ESRRG: variants seen among roughly 807,000 people sequenced by gnomAD.
ESRRG encodes estrogen-related receptor gamma.
In ESRRG, 13 loss-of-function variants were observed where a neutral mutation model predicts 44.0. The observed-to-expected ratio is 0.30, with a 90% CI of 0.19 to 0.47. ESRRG has a LOEUF of 0.47. Among genes scored for constraint, ESRRG ranks in the 20% least tolerant of loss-of-function variants. ESRRG has a pLI of 1.00. For synonymous variants in ESRRG, 215 were observed against 214.6 expected, an observed-to-expected ratio of 1.00 and a Z score of -0.02; for missense variants, 395 against 580.6, an observed-to-expected ratio of 0.68 and a Z score of 3.29.
intron 1 of ESRRG, among the ~76,000 whole-genome samples, chr1:217,064,166 CGTT>C (rs146072032): frequency 0.024 from 3,616 of 149,696 alleles, 124 homozygotes; most frequent in African/African-American, 0.077. Flanking sequence ...TATATATACA[CGTT>C]GTATAGATGT....
chr1:216,800,853 T>C (rs753746895), intron 2 of ESRRG, among the ~76,000 whole-genome samples: 9 of 152,174 alleles, frequency 5.9e-5, no homozygotes, highest in Non-Finnish European at 1.3e-4. Context: ...TAAAGAAACA[T>C]GCATTCCGAC....
intron 3 of ESRRG, among the ~76,000 whole-genome samples, chr1:216,598,697 T>C (rs1051974113): frequency 4.6e-5 from 7 of 152,104 alleles, no homozygotes; most frequent in African/African-American, 1.7e-4. Context: ...TGCTTTCTTC[T>C]TTAATGGCTA....
intron 1 of ESRRG, among the ~76,000 whole-genome samples, chr1:217,060,904 G>C (rs918145252): frequency 3.9e-5 from 6 of 152,038 alleles, no homozygotes; most frequent in Admixed American, 2.0e-4. Flanking sequence ...GAATCTTCTT[G>C]AGATTGTGGA....
At chr1:216,727,064 T>A (rs2087678438), upstream of ESRRG, among the ~76,000 whole-genome samples, 1 of 152,314 alleles carries the variant, frequency 6.6e-6, no homozygotes, top group South Asian at 2.1e-4. Flanking sequence ...ATCTTTCTTT[T>A]CTGAAAATTA....
rs58137897 is a variant in ESRRG, at chr1:216,903,428, AGTGTGTGTGT to A, written c.-14+36144_-14+36153del. On this transcript the variant is annotated intron_variant, in intron 2 of 7. Transcript: ENST00000359162. ...ATATATGTGTGGTTGTGTGTGTTCAAGTGTGTGTGTGTGTGTGTGTGTGTGTGTGTCGGGG... is the reference window on the plus strand; with the variant it reads ...ATATATGTGTGGTTGTGTGTGTTCAAGTGTGTGTGTGTGTGTGTGTCGGGG... Among the ~76,000 whole-genome samples the A allele has an allele frequency of 8.0e-4, 119 of 148,310 alleles. 1 individual carries two copies. Among genetic ancestry groups the A allele is most frequent in the Admixed American group, 6.3e-3 (94 of 14,874 alleles).
chr1:217,007,077 A>G (rs1395849901), intron 1 of ESRRG, among the ~76,000 whole-genome samples: 1 of 152,148 alleles, frequency 6.6e-6, no homozygotes, highest in Non-Finnish European at 1.5e-5. Flanking sequence ...TTAGATCTTT[A>G]AAAGGACTGT....
At chr1:216,721,488 G>C (rs1429977651) in intron 1 of ESRRG, among the ~76,000 whole-genome samples, 1 of 152,202 alleles carries the variant, frequency 6.6e-6, no homozygotes, top group Non-Finnish European at 1.5e-5. Context: ...ATTTTTTAAA[G>C]ATGACTTTTA....
In ESRRG at chr1:216,506,754, G is replaced by T; in HGVS notation, c.*185C>A. On this transcript the variant is annotated 3_prime_UTR_variant, in exon 7 of 7. Transcript: ENST00000408911. ...AGGAAAGAAGATGATGGAGAAAGTA[G>T]AAAGAAACTCATCAGGAACCTATGG... The T allele has an allele frequency of 3.0e-6, 2 of 665,328 alleles. No homozygotes were observed. Among genetic ancestry groups the T allele is most frequent in the Non-Finnish European group, 2.6e-6 (1 of 377,588 alleles). 41.2% of individuals were successfully genotyped at this position (665,328 alleles called of 1,614,324 possible).
chr1:217,125,778 A>G (rs908377112), intron 1 of ESRRG, among the ~76,000 whole-genome samples: 2 of 152,226 alleles, frequency 1.3e-5, no homozygotes, highest in African/African-American at 4.8e-5. Context: ...ATTTATTATT[A>G]TCATATGTGG....
At chr1:216,767,494 A>G (rs1393345484) in intron 2 of ESRRG, among the ~76,000 whole-genome samples, 1 of 152,150 alleles carries the variant, frequency 6.6e-6, no homozygotes, top group Non-Finnish European at 1.5e-5. Flanking sequence ...AGTTTTTGTC[A>G]GCTACAGCTC....
intron 2 of ESRRG, among the ~76,000 whole-genome samples, chr1:216,658,773 G>T (rs1377166484): frequency 4.0e-5 from 6 of 151,726 alleles, no homozygotes; most frequent in Admixed American, 1.3e-4. Flanking sequence ...GCGGAGGTTG[G>T]AGTGAGCTGA....
intron 2 of ESRRG, among the ~76,000 whole-genome samples, chr1:216,750,304 C>T (rs200133110): frequency 1.3e-5 from 2 of 152,108 alleles, no homozygotes; most frequent in African/African-American, 2.4e-5. Context: ...AGCTAGCCAA[C>T]CTCTCAGTAC....
chr1:216,930,472 G>C lies in ESRRG; in HGVS notation c.-14+9110C>G, dbSNP rs567956572. Among the ~76,000 whole-genome samples the C allele has an allele frequency of 1.3e-5, 2 of 152,130 alleles. 1 individual carries two copies. Among genetic ancestry groups the C allele is most frequent in the South Asian group, 4.2e-4 (2 of 4,814 alleles). Reference sequence around the variant, plus strand: ...TGACTTTACATTCTATTTATTCTGTGGGCGTCCTCTCTGCCCTTGCCTCTG... The same window carrying C: ...TGACTTTACATTCTATTTATTCTGTCGGCGTCCTCTCTGCCCTTGCCTCTG... On this transcript the variant is annotated intron_variant, in intron 2 of 7. Coordinates refer to the ESRRG transcript ENST00000359162.
intron 2 of ESRRG, among the ~76,000 whole-genome samples, chr1:216,736,206 A>G (rs1326203624): frequency 7.8e-6 from 1 of 128,582 alleles, no homozygotes; most frequent in Non-Finnish European, 1.6e-5. Flanking sequence ...TTTTTGAGAC[A>G]GAGTCTCGCT....
At chr1:216,921,789 A>T (rs2061882740) in intron 2 of ESRRG, among the ~76,000 whole-genome samples, 1 of 152,186 alleles carries the variant, frequency 6.6e-6, no homozygotes, top group African/African-American at 2.4e-5. Context: ...GAGGGCAGCA[A>T]TTTGTATTAA....
intron 2 of ESRRG, among the ~76,000 whole-genome samples, chr1:216,750,307 C>T (rs1250221463): frequency 6.6e-6 from 1 of 152,144 alleles, no homozygotes; most frequent in Non-Finnish European, 1.5e-5. Context: ...TAGCCAACCT[C>T]TCAGTACCAC....
chr1:216,812,182 G>T (rs1356030178), intron 2 of ESRRG, among the ~76,000 whole-genome samples: 2 of 152,124 alleles, frequency 1.3e-5, no homozygotes, highest in Non-Finnish European at 2.9e-5. Context: ...ACGTTAAAGA[G>T]TCAAACATAT....
At chr1:216,961,561 A>ATTTTTTTTTTTTT (rs35113256) in intron 1 of ESRRG, among the ~76,000 whole-genome samples, 1 of 131,970 alleles carries the variant, frequency 7.6e-6, no homozygotes, top group African/African-American at 2.8e-5. Flanking sequence ...ATTTACTCTT[A>ATTTTTTTTTTTTT]TTTTTTTTTT....
rs548173197 is a variant in ESRRG, at chr1:216,945,989, A to T, written c.-105-6316T>A. Among the ~76,000 whole-genome samples, 147 of 152,308 alleles carry T rather than the reference A, an allele frequency of 9.7e-4. 1 individual carries two copies. The highest frequency in any genetic ancestry group is 3.4e-3 in the African/African-American group (142 of 41,578). On this transcript the variant is annotated intron_variant, in intron 1 of 7. Coordinates refer to the ESRRG transcript ENST00000359162. Reference sequence around the variant, plus strand: ...TCAGAGGAGCTTACTTTTCACCATCATAAGGAAATATGGGAGGAGGAGAGC... The same window carrying T: ...TCAGAGGAGCTTACTTTTCACCATCTTAAGGAAATATGGGAGGAGGAGAGC...
Sources: allele counts gnomAD v4.1 joint callset (sites outside exome capture counted in the v4.1 genomes callset), GRCh38; gene constraint gnomAD v4.1.1; transcripts MANE v1.5; gene names NCBI Gene and HGNC (gene_info 2026-07-23, HGNC 2026-07-21).